The following TIA1 variants were observed in gnomAD, a reference collection of about 807,000 sequenced individuals.
The protein encoded by TIA1 is cytotoxic granule associated RNA binding protein TIA1.
A neutral mutation model predicts 65.9 loss-of-function variants in TIA1; 23 were observed. That is an observed-to-expected ratio of 0.35 (90% CI 0.25 to 0.49). TIA1 has a LOEUF of 0.49. Among genes scored for constraint, TIA1 ranks in the 20% least tolerant of loss-of-function variants. TIA1 has a pLI of 0.98. For missense variants in TIA1, 371 were observed against 477.9 expected (o/e 0.78, Z 2.09); for synonymous variants, 147 against 149.4 (o/e 0.98, Z 0.12).
rs571381359 is a variant in TIA1 at position 70,213,246 on chromosome 2, A to T, written c.1035-401T>A. ...AGAGTCAGGTAGGTTCCCTACAACG[A>T]AAAAGGAACATTATACTACTCAAAG... On this transcript the variant is annotated intron_variant, in intron 12 of 12. Transcript: ENST00000433529. 1.3e-4 allele frequency among the ~76,000 whole-genome samples: 20 copies of T among 152,302 alleles called. No homozygotes were observed. The South Asian group carries it at 2.9e-3, about 22-fold the overall frequency.
chr2:70,221,311 T>TA (rs200250999), intron 7 of TIA1, among the ~76,000 whole-genome samples: 1,724 of 151,130 alleles, frequency 0.011, 111 homozygotes, highest in Admixed American at 0.094. Flanking sequence ...GGCCTTTTTT[T>TA]AAAAAAAAAT....
intron 1 of TIA1, among the ~76,000 whole-genome samples, chr2:70,246,252 T>C (rs1037926198): frequency 2.6e-5 from 4 of 152,320 alleles, no homozygotes; most frequent in Non-Finnish European, 4.4e-5. Context: ...AACAAATGTA[T>C]TGATTACTTA....
At chr2:70,224,346 C>T (rs1001987980) in intron 7 of TIA1, 1 of 577,648 alleles carries the variant, frequency 1.7e-6, no homozygotes, top group East Asian at 2.9e-5. Context: ...ACTTTACTTT[C>T]TACATTCTGA....
chr2:70,225,187 T>C (rs1463516648), intron 6 of TIA1: 1 of 1,050,852 alleles, frequency 9.5e-7, no homozygotes, highest in Non-Finnish European at 1.2e-6. Context: ...TGAAGAAAAA[T>C]ACTAGACACA....
At chr2:70,215,706 G>A (rs141509622) in intron 10 of TIA1, 31 of 482,620 alleles carry the variant, frequency 6.4e-5, no homozygotes, top group Middle Eastern at 5.7e-4. Context: ...TAGGGAGGGA[G>A]CTATAAAATC....
At chr2:70,222,916 A>G (rs143434374) in intron 7 of TIA1, among the ~76,000 whole-genome samples, 202 of 151,720 alleles carry the variant, frequency 1.3e-3, no homozygotes, top group African/African-American at 4.7e-3. Flanking sequence ...TCCGTCTCAA[A>G]AAAAAAATTA....
chr2:70,227,848 G>T, intron 5 of TIA1, 26 bp from the exon 6 acceptor site: 1 of 1,493,636 alleles, frequency 6.7e-7, no homozygotes. Context: ...AAGGGGAAGT[G>T]AAAAGAAAAA....
rs753527539 is a variant in TIA1, at chr2:70,229,333, T to A, written c.223-15A>T. On this transcript the variant is annotated splice_polypyrimidine_tract_variant and intron_variant, in intron 3 of 12. Coordinates refer to ENST00000433529, the MANE Select transcript of TIA1 (RefSeq NM_022173.4). Reference sequence around the variant, plus strand: ...ACTTTGACTTCCTAAAAAAAAAAAATTTCTACATTTATACTTCACAAAAAT... The same window carrying A: ...ACTTTGACTTCCTAAAAAAAAAAAAATTCTACATTTATACTTCACAAAAAT... The A allele has an allele frequency of 5.8e-6, 9 of 1,562,176 alleles. No individual in the cohort carries two copies. The highest frequency in any genetic ancestry group is 7.0e-6 in the Non-Finnish European group (8 of 1,142,404).
chr2:70,217,871 C>T (rs982677446), intron 7 of TIA1, among the ~76,000 whole-genome samples: 2 of 152,170 alleles, frequency 1.3e-5, no homozygotes, highest in African/African-American at 4.8e-5. Flanking sequence ...AGCCCGACAG[C>T]CCTAATGAGG....
chr2:70,217,122 C>T, intron 7 of TIA1, 128 bp from the exon 8 acceptor site: 2 of 748,120 alleles, frequency 2.7e-6, no homozygotes, highest in Non-Finnish European at 2.0e-6. Context: ...AAATACACAA[C>T]ATATGATAGC....
chr2:70,232,061 G>A (rs966012354), intron 2 of TIA1, among the ~76,000 whole-genome samples: 2 of 151,624 alleles, frequency 1.3e-5, no homozygotes, highest in African/African-American at 4.8e-5. Flanking sequence ...AATTAGCCGG[G>A]CCTGGTGGCG....
intron 1 of TIA1, among the ~76,000 whole-genome samples, chr2:70,237,686 A>G (rs1689606273): frequency 6.6e-6 from 1 of 151,878 alleles, no homozygotes; most frequent in African/African-American, 2.4e-5. Context: ...CAACACAGTG[A>G]AACCCCTTCT....
intron 8 of TIA1, 80 bp from the exon 9 acceptor site, chr2:70,216,579 T>A: frequency 7.2e-7 from 1 of 1,397,638 alleles, no homozygotes; most frequent in Non-Finnish European, 9.9e-7. Context: ...ACTACACTAC[T>A]GTAAAGGTAA....
intron 11 of TIA1, 95 bp from the exon 12 acceptor site, chr2:70,214,589 C>A: frequency 3.6e-5 from 26 of 728,396 alleles, no homozygotes; most frequent in East Asian, 1.4e-4. Context: ...CACACAGGGC[C>A]ATCATTACAA....
intron 1 of TIA1, among the ~76,000 whole-genome samples, 171 bp from the exon 2 acceptor site, chr2:70,236,346 T>C (rs1243621888): frequency 1.3e-5 from 2 of 152,032 alleles, no homozygotes; most frequent in Admixed American, 1.3e-4. Context: ...ATTACAGGCA[T>C]GCGTGACCAC....
At chr2:70,234,442 G>C (rs1387154241) in intron 2 of TIA1, among the ~76,000 whole-genome samples, 1 of 152,120 alleles carries the variant, frequency 6.6e-6, no homozygotes, top group Non-Finnish European at 1.5e-5. Flanking sequence ...TATTAAATGT[G>C]ATAGAATAAA....
At chr2:70,235,798 T>C (rs188813023) in intron 2 of TIA1, among the ~76,000 whole-genome samples, 2 of 151,846 alleles carry the variant, frequency 1.3e-5, no homozygotes. Context: ...AAAGAGCCCA[T>C]ATATATGTTC....
chr2:70,225,062 GA>G (rs1683206159), intron 6 of TIA1: 5 of 977,338 alleles, frequency 5.1e-6, no homozygotes, highest in Non-Finnish European at 6.1e-6. Context: ...CCAAAAGAAT[GA>G]AAAAGTTGTA....
Position 70,211,425 on chromosome 2 carries a change from T to C in TIA1, c.*1294A>G, listed in dbSNP as rs1016245097. 2.0e-5 allele frequency: 3 copies of C among 151,984 alleles called. No individual in the cohort carries two copies. Among genetic ancestry groups the C allele is most frequent in the Non-Finnish European group, 4.4e-5 (3 of 68,002 alleles). 9.4% of individuals were successfully genotyped at this position (151,984 alleles called of 1,614,324 possible). ...TAAAGAGGTAGGATTTTAAGGTTTTTTTTTTGTTTATCTTTTGGCCTCTGA... is the reference window on the plus strand; with the variant it reads ...TAAAGAGGTAGGATTTTAAGGTTTTCTTTTTGTTTATCTTTTGGCCTCTGA... On this transcript the variant is annotated 3_prime_UTR_variant, in exon 13 of 13. Coordinates refer to ENST00000433529, the MANE Select transcript of TIA1 (RefSeq NM_022173.4).
Sources: allele counts gnomAD v4.1 joint callset (sites outside exome capture counted in the v4.1 genomes callset), GRCh38; gene constraint gnomAD v4.1.1; transcripts MANE v1.5; gene names NCBI Gene and HGNC (gene_info 2026-07-23, HGNC 2026-07-21).